GNAQ: variants seen among roughly 807,000 people sequenced by gnomAD.
GNAQ encodes G protein subunit alpha q, also known as guanine nucleotide-binding protein G(q) subunit alpha.
In GNAQ, 8 loss-of-function variants were observed where a neutral mutation model predicts 43.9. That is an observed-to-expected ratio of 0.18 (90% CI 0.11 to 0.33). The LOEUF is 0.33. Ranked by LOEUF, GNAQ falls within the 10% of genes least tolerant of loss-of-function variation. GNAQ has a pLI of 1.00. For missense variants in GNAQ, 158 were observed against 450.8 expected, an observed-to-expected ratio of 0.35 and a Z score of 5.88; for synonymous variants, 155 against 170.7, an observed-to-expected ratio of 0.91 and a Z score of 0.71.
intron 5 of GNAQ, among the ~76,000 whole-genome samples, chr9:77,775,527 A>G (rs1172786926): frequency 1.3e-5 from 2 of 150,406 alleles, no homozygotes; most frequent in East Asian, 2.0e-4. Context: ...CTCCTGCCTC[A>G]GCCTCCCGAG....
At chr9:77,781,247 C>G (rs1826388494) in intron 5 of GNAQ, among the ~76,000 whole-genome samples, 1 of 151,954 alleles carries the variant, frequency 6.6e-6, no homozygotes, top group South Asian at 2.1e-4. Flanking sequence ...GTCTTTGATC[C>G]ACTTTGCGTT....
chr9:77,925,702 C>T (rs1449109935), intron 1 of GNAQ, among the ~76,000 whole-genome samples: 1 of 151,950 alleles, frequency 6.6e-6, no homozygotes, highest in African/African-American at 2.4e-5. Flanking sequence ...CTGTATGATG[C>T]AAATATTGTA....
chr9:77,837,773 G>A (rs1827414812), intron 2 of GNAQ, among the ~76,000 whole-genome samples: 1 of 151,654 alleles, frequency 6.6e-6, no homozygotes, highest in Non-Finnish European at 1.5e-5. Context: ...TTAAATCTAT[G>A]TGCATAAATT....
At chr9:77,929,268 T>C (rs185972202) in intron 1 of GNAQ, among the ~76,000 whole-genome samples, 165 of 152,216 alleles carry the variant, frequency 1.1e-3, no homozygotes, top group African/African-American at 2.7e-3. Context: ...CCTGAACCCA[T>C]TGATTTCATT....
At chr9:77,749,727 C>A (rs930489388) in intron 5 of GNAQ, among the ~76,000 whole-genome samples, 1 of 152,106 alleles carries the variant, frequency 6.6e-6, no homozygotes, top group East Asian at 1.9e-4. Context: ...CCAGTATATT[C>A]ACACACAGAA....
chr9:77,860,131 C>A (rs1413031297), intron 2 of GNAQ, among the ~76,000 whole-genome samples: 2 of 152,182 alleles, frequency 1.3e-5, no homozygotes, highest in Non-Finnish European at 2.9e-5. Context: ...TAAAGCTGCC[C>A]TAGAACAGAC....
At chr9:77,762,255 G>A (rs1321118346) in intron 5 of GNAQ, among the ~76,000 whole-genome samples, 3 of 143,424 alleles carry the variant, frequency 2.1e-5, no homozygotes, top group Non-Finnish European at 4.6e-5. Context: ...AGGTTGGGGG[G>A]TCAGCCCCCC....
chr9:77,783,311 A>G (rs564035042), intron 5 of GNAQ, among the ~76,000 whole-genome samples: 14 of 152,306 alleles, frequency 9.2e-5, no homozygotes, highest in African/African-American at 3.4e-4. Context: ...TACAACACAA[A>G]GTATGTGTGT....
chr9:77,860,724 C>T (rs1275694409), intron 2 of GNAQ, among the ~76,000 whole-genome samples: 1 of 152,168 alleles, frequency 6.6e-6, no homozygotes, highest in Non-Finnish European at 1.5e-5. Flanking sequence ...GGACCCCTTC[C>T]ATAACACACT....
intron 2 of GNAQ, among the ~76,000 whole-genome samples, chr9:77,874,166 G>A (rs1227799220): frequency 6.6e-6 from 1 of 151,548 alleles, no homozygotes; most frequent in Non-Finnish European, 1.5e-5. Context: ...TATATCTAAA[G>A]CCTTCTTGTC....
chr9:77,914,453 G>A (rs1309029399), intron 2 of GNAQ, among the ~76,000 whole-genome samples: 3 of 152,186 alleles, frequency 2.0e-5, no homozygotes, highest in Admixed American at 2.0e-4. Flanking sequence ...GAGGTTGGGA[G>A]TTTGAGATTT....
chr9:77,982,854 G>GTA (rs1166796747), intron 1 of GNAQ, among the ~76,000 whole-genome samples: 1 of 139,802 alleles, frequency 7.2e-6, no homozygotes, highest in Non-Finnish European at 1.6e-5. Flanking sequence ...TAAATGACGA[G>GTA]TTAATGGGTG....
intron 6 of GNAQ, among the ~76,000 whole-genome samples, chr9:77,722,279 G>C (rs1046409440): frequency 2.0e-5 from 3 of 151,838 alleles, no homozygotes; most frequent in African/African-American, 7.3e-5. Context: ...TGGGATTACT[G>C]GTGCCTGCCA....
chr9:78,011,788 T>A (rs1036041831), intron 1 of GNAQ, among the ~76,000 whole-genome samples: 1 of 151,892 alleles, frequency 6.6e-6, no homozygotes, highest in African/African-American at 2.4e-5. Context: ...GATACAGCAA[T>A]TAGAGGGAAG....
At chr9:77,725,288 G>T (rs1221636680) in intron 6 of GNAQ, among the ~76,000 whole-genome samples, 1 of 152,112 alleles carries the variant, frequency 6.6e-6, no homozygotes, top group Non-Finnish European at 1.5e-5. Flanking sequence ...TGTGGAAAGG[G>T]TAATTTCCTT....
intron 1 of GNAQ, among the ~76,000 whole-genome samples, chr9:77,946,706 G>T (rs1188229947): frequency 6.6e-6 from 1 of 152,208 alleles, no homozygotes; most frequent in Admixed American, 6.5e-5. Context: ...CAATAACAGT[G>T]TATTTCTGAT....
intron 1 of GNAQ, among the ~76,000 whole-genome samples, chr9:77,996,677 C>CAAAAAAAA (rs3083223): frequency 3.0e-4 from 32 of 105,510 alleles, no homozygotes; most frequent in African/African-American, 6.0e-4. Flanking sequence ...GACTCCATCT[C>CAAAAAAAA]AAAAAAAAAA....
chr9:77,866,846 AACAC>A (rs917227959), intron 2 of GNAQ, among the ~76,000 whole-genome samples: 2 of 152,238 alleles, frequency 1.3e-5, no homozygotes, highest in African/African-American at 2.4e-5. Flanking sequence ...TTTTTATTAA[AACAC>A]AGTCGTCATC....
At chr9:78,004,958 G>A (rs1029372579) in intron 1 of GNAQ, among the ~76,000 whole-genome samples, 2 of 152,000 alleles carry the variant, frequency 1.3e-5, no homozygotes, top group Admixed American at 1.3e-4. Context: ...AGAGGGGGTG[G>A]GATCAGATAA....
Sources: gnomAD v4.1 joint callset for allele counts (sites outside exome capture counted in the v4.1 genomes callset) on GRCh38, gnomAD v4.1.1 for gene constraint, MANE v1.5 for transcripts, NCBI Gene and HGNC (gene_info 2026-07-23, HGNC 2026-07-21) for gene names.